PARD3: variants seen among roughly 807,000 people sequenced by gnomAD.
PARD3 encodes partitioning defective 3 homolog.
PARD3 carries 75 observed loss-of-function variants against 155.4 expected under a neutral mutation model. The ratio of observed to expected loss-of-function variants is 0.48; its 90% CI spans 0.40 to 0.58. The LOEUF (loss-of-function observed/expected upper bound fraction) is 0.58. Ranked by LOEUF, PARD3 falls within the 20% of genes least tolerant of loss-of-function variation. PARD3 has a pLI of 0.00. For synonymous variants in PARD3, 576 were observed against 610.5 expected (o/e 0.94, Z 0.83); for missense variants, 1,642 against 1,721.7 (o/e 0.95, Z 0.82).
chr10:34,235,082 G>A (rs1462080222), intron 22 of PARD3, among the ~76,000 whole-genome samples: 1 of 152,110 alleles, frequency 6.6e-6, no homozygotes, highest in South Asian at 2.1e-4. Flanking sequence ...CAGTAATTAA[G>A]TTACTATTAA....
At chr10:34,319,157 T>G (rs112672049) in intron 19 of PARD3, among the ~76,000 whole-genome samples, 3,920 of 148,830 alleles carry the variant, frequency 0.026, 167 homozygotes, top group African/African-American at 0.093. Flanking sequence ...GGTGTGATCT[T>G]GGCTCACTGC....
rs35292075 is a variant in PARD3, at chr10:34,485,337, C to CA, written c.404-15075dup. On this transcript the variant is annotated intron_variant, in intron 3 of 24. Coordinates refer to ENST00000374788, the MANE Select transcript of PARD3 (RefSeq NM_001184785.2). ...TGGGAGACAGAGCAAGACTCTGTCT[C>CA]AAAAAAAAAAAAAAGTTCATTTTTG... 9.5e-4 allele frequency among the ~76,000 whole-genome samples: 133 copies of CA among 139,878 alleles called. 1 individual carries two copies. Among genetic ancestry groups the CA allele is most frequent in the East Asian group, 7.9e-3 (38 of 4,796 alleles). The allele number at this position is 139,878 out of a possible 152,430, so 91.8% of individuals were successfully genotyped here. A position where few individuals can be genotyped will look rare whatever the true frequency, so the allele number is the denominator to read the frequency against.
intron 1 of PARD3, among the ~76,000 whole-genome samples, chr10:34,814,339 G>GC (rs1229417868): frequency 2.0e-5 from 3 of 152,014 alleles, no homozygotes; most frequent in Non-Finnish European, 4.4e-5. Context: ...TGGAGGAAAA[G>GC]CCCCCCGCCG....
At chr10:34,383,955 T>C (rs945466101) in intron 8 of PARD3, among the ~76,000 whole-genome samples, 174 bp downstream of exon 8, 6 of 152,248 alleles carry the variant, frequency 3.9e-5, no homozygotes, top group Non-Finnish European at 5.9e-5. Flanking sequence ...TTTTGAAATA[T>C]AGTCTAATGG....
Position 34,110,837 on chromosome 10 carries a change from T to C in PARD3, c.*332A>G, listed in dbSNP as rs150712831. On this transcript the variant is annotated 3_prime_UTR_variant, in exon 25 of 25. Transcript: ENST00000374788. ...CCTCCACTTCAGGTGAATTTGTCAC[T>C]GCAAGTGGTGCAGGGATGTTACAAC... 52 of 190,744 alleles carry C rather than the reference T, an allele frequency of 2.7e-4. 1 individual carries two copies. In the East Asian group the frequency reaches 6.3e-3, roughly 23 times the overall value. The allele number at this position is 190,744 out of a possible 1,614,324, so 11.8% of individuals were successfully genotyped here.
At chr10:34,327,517 C>A (rs1835155210) in intron 19 of PARD3, among the ~76,000 whole-genome samples, 1 of 152,170 alleles carries the variant, frequency 6.6e-6, no homozygotes, top group African/African-American at 2.4e-5. Context: ...GGGGCTCGAC[C>A]CAACTGACAA....
intron 22 of PARD3, among the ~76,000 whole-genome samples, chr10:34,185,629 T>G (rs1203823574): frequency 2.0e-5 from 3 of 151,994 alleles, no homozygotes; most frequent in Admixed American, 1.3e-4. Flanking sequence ...TAAGATATTT[T>G]TTGCCTCTCA....
intron 4 of PARD3, 101 bp downstream of exon 4, chr10:34,469,984 T>C (rs2133070422): frequency 3.4e-6 from 3 of 889,900 alleles, no homozygotes; most frequent in South Asian, 2.2e-5. Context: ...ATCATGAAGA[T>C]GCCCTGGAAT....
chr10:34,236,595 T>C (rs1248485922), intron 22 of PARD3, among the ~76,000 whole-genome samples: 3 of 152,214 alleles, frequency 2.0e-5, no homozygotes, highest in African/African-American at 7.2e-5. Context: ...GGAAAAATTG[T>C]CTTGCAACCC....
intron 2 of PARD3, among the ~76,000 whole-genome samples, chr10:34,570,117 A>G (rs1321229934): frequency 6.6e-6 from 1 of 152,188 alleles, no homozygotes; most frequent in Non-Finnish European, 1.5e-5. Context: ...TTGAATTATA[A>G]AAGTTGCTTA....
At chr10:34,428,067 C>A (rs2075714870) in intron 5 of PARD3, among the ~76,000 whole-genome samples, 1 of 152,150 alleles carries the variant, frequency 6.6e-6, no homozygotes, top group South Asian at 2.1e-4. Flanking sequence ...CATCATCCCA[C>A]AACAAACCTC....
chr10:34,352,711 G>A (rs1191231605), intron 14 of PARD3, among the ~76,000 whole-genome samples: 2 of 152,218 alleles, frequency 1.3e-5, no homozygotes, highest in African/African-American at 2.4e-5. Context: ...CCACCTCGCA[G>A]CCGCCTGCCT....
chr10:34,809,533 A>C (rs1244480900), intron 1 of PARD3, among the ~76,000 whole-genome samples: 1 of 152,204 alleles, frequency 6.6e-6, no homozygotes, highest in African/African-American at 2.4e-5. Flanking sequence ...CTCACGAATG[A>C]GTGCAAGGAA....
Position 34,167,281 on chromosome 10 carries a change from G to A in PARD3, c.3420-35698C>T, listed in dbSNP as rs1294654192. 2.6e-5 allele frequency among the ~76,000 whole-genome samples: 4 copies of A among 152,068 alleles called. No individual in the cohort carries two copies. The South Asian group carries it at 6.2e-4, about 24-fold the overall frequency. On this transcript the variant is annotated intron_variant, in intron 22 of 24. Coordinates refer to ENST00000374788, the MANE Select transcript of PARD3 (RefSeq NM_001184785.2). ...CTCAAAATTACACAGAACACCTCAGGGTCACTGTGAACATCAACCATCGTT... is the reference window on the plus strand; with the variant it reads ...CTCAAAATTACACAGAACACCTCAGAGTCACTGTGAACATCAACCATCGTT...
chr10:34,527,729 T>C (rs1479321906), intron 2 of PARD3, among the ~76,000 whole-genome samples: 1 of 152,214 alleles, frequency 6.6e-6, no homozygotes, highest in African/African-American at 2.4e-5. Flanking sequence ...AATAAATTTA[T>C]TTTGTAAAAT....
At chr10:34,134,057 G>A (rs1947756865) in intron 22 of PARD3, among the ~76,000 whole-genome samples, 1 of 152,180 alleles carries the variant, frequency 6.6e-6, no homozygotes, top group Non-Finnish European at 1.5e-5. Context: ...TTCAGTCCAC[G>A]TCACTTCAAA....
At chr10:34,438,802 G>A (rs1329477141) in intron 5 of PARD3, among the ~76,000 whole-genome samples, 1 of 152,180 alleles carries the variant, frequency 6.6e-6, no homozygotes, top group Non-Finnish European at 1.5e-5. Flanking sequence ...ACAGAAGGCT[G>A]CAGGGATATC....
chr10:34,585,365 T>C (rs1248480968), intron 2 of PARD3, among the ~76,000 whole-genome samples: 1 of 152,164 alleles, frequency 6.6e-6, no homozygotes, highest in African/African-American at 2.4e-5. Flanking sequence ...CCTGCACCCA[T>C]TAACTTACAG....
At chr10:34,166,510 CAGG>C (rs1949534362) in intron 22 of PARD3, among the ~76,000 whole-genome samples, 1 of 151,968 alleles carries the variant, frequency 6.6e-6, no homozygotes, top group Non-Finnish European at 1.5e-5. Context: ...CCCAACTACT[CAGG>C]AGGCTAAGGC....
Sources: allele counts gnomAD v4.1 joint callset (sites outside exome capture counted in the v4.1 genomes callset), GRCh38; gene constraint gnomAD v4.1.1; transcripts MANE v1.5; gene names NCBI Gene and HGNC (gene_info 2026-07-23, HGNC 2026-07-21).